EYA1: variants seen among roughly 807,000 people sequenced by gnomAD.
The protein encoded by EYA1 is EYA transcriptional coactivator and phosphatase 1, also known as protein phosphatase EYA1.
A neutral mutation model predicts 82.0 loss-of-function variants in EYA1; 16 were observed. The observed-to-expected ratio is 0.20, with a 90% confidence interval of 0.13 to 0.30. The LOEUF (loss-of-function observed/expected upper bound fraction) is 0.30. Among genes scored for constraint, EYA1 ranks in the 10% least tolerant of loss-of-function variants. The pLI, the probability that EYA1 is intolerant of heterozygous loss-of-function variation, is 1.00. For missense variants in EYA1, 633 were observed against 730.7 expected (o/e 0.87, Z 1.54); for synonymous variants, 261 against 264.4 (o/e 0.99, Z 0.12).
chr8:71,390,042 T>A (rs1829188204), intron 2 of EYA1, among the ~76,000 whole-genome samples: 2 of 152,344 alleles, frequency 1.3e-5, no homozygotes. Flanking sequence ...CATGTATTTT[T>A]TCTCCTTTAA....
At chr8:71,290,063 C>T (rs187460108) in intron 9 of EYA1, among the ~76,000 whole-genome samples, 24 of 152,174 alleles carry the variant, frequency 1.6e-4, no homozygotes, top group Admixed American at 9.2e-4. Flanking sequence ...CACATCTATG[C>T]CTTTATAATT....
chr8:71,322,394 G>T, intron 4 of EYA1, 126 bp from the exon 5 acceptor site: 1 of 777,950 alleles, frequency 1.3e-6, no homozygotes, highest in Non-Finnish European at 2.2e-6. Context: ...TGGTCTTTGT[G>T]ACCTGCGGAG....
Position 71,244,843 on chromosome 8 carries a change from G to T in EYA1, c.1051-151C>A, listed in dbSNP as rs1812885375. On this transcript the variant is annotated intron_variant, in intron 11 of 17. Coordinates refer to ENST00000340726, the MANE Select transcript of EYA1 (RefSeq NM_000503.6). ...AACAGCTGCTTATTTTAGTGTGCAT[G>T]ACTTATTCTGTGTGCAAACTTCAGG... 15 of 589,724 alleles carry T rather than the reference G, an allele frequency of 2.5e-5. No individual in the cohort carries two copies. The South Asian group carries it at 3.3e-4, about 13-fold the overall frequency. The allele number at this position is 589,724 out of a possible 1,614,324, so 36.5% of individuals were successfully genotyped here. A position where few individuals can be genotyped will look rare whatever the true frequency, so the allele number is the denominator to read the frequency against.
intron 2 of EYA1, among the ~76,000 whole-genome samples, chr8:71,416,947 G>A (rs920219835): frequency 9.9e-5 from 15 of 152,154 alleles, no homozygotes; most frequent in Non-Finnish European, 1.8e-4. Context: ...CAATGGACTG[G>A]GAAAGGCAGA....
chr8:71,400,046 AG>A (rs905012431), intron 2 of EYA1, among the ~76,000 whole-genome samples: 9 of 152,214 alleles, frequency 5.9e-5, no homozygotes, highest in African/African-American at 1.9e-4. Flanking sequence ...CAATGGGGAA[AG>A]GATTCCCTAT....
At chr8:71,210,216 TTAAAATA>T (rs1261849774) in intron 17 of EYA1, among the ~76,000 whole-genome samples, 1 of 152,226 alleles carries the variant, frequency 6.6e-6, no homozygotes, top group Non-Finnish European at 1.5e-5. Flanking sequence ...GCTCCTTCAG[TTAAAATA>T]TAAGGGAGCA....
At chr8:71,469,556 ACT>A (rs530224439) in intron 2 of EYA1, among the ~76,000 whole-genome samples, 71 of 152,072 alleles carry the variant, frequency 4.7e-4, no homozygotes, top group Non-Finnish European at 7.8e-4. Flanking sequence ...CCAAAACCAC[ACT>A]CTGTTTTCTG....
At chr8:71,458,581 T>G (rs866829953) in intron 2 of EYA1, among the ~76,000 whole-genome samples, 11 of 152,214 alleles carry the variant, frequency 7.2e-5, no homozygotes, top group Admixed American at 1.3e-4. Context: ...ATAATCTCTT[T>G]TATCAGCACA....
upstream of EYA1, chr8:71,362,343 T>A: frequency 3.1e-6 from 1 of 318,406 alleles, no homozygotes; most frequent in Non-Finnish European, 4.5e-6. Flanking sequence ...AACAGCTGTG[T>A]GAGAATAACT....
chr8:71,327,813 T>C (rs1044470030), intron 4 of EYA1, among the ~76,000 whole-genome samples: 34 of 151,906 alleles, frequency 2.2e-4, no homozygotes, highest in African/African-American at 7.7e-4. Flanking sequence ...GTCTATTTTG[T>C]TAAGACACTA....
intron 2 of EYA1, among the ~76,000 whole-genome samples, chr8:71,394,037 G>A (rs1310486465): frequency 2.6e-5 from 4 of 152,108 alleles, no homozygotes; most frequent in African/African-American, 9.7e-5. Flanking sequence ...TTCTCTGATG[G>A]CCACTGATGA....
chr8:71,477,366 G>T lies in EYA1; in HGVS notation c.33+58378C>A, dbSNP rs572398536. Among the ~76,000 whole-genome samples the T allele has an allele frequency of 7.0e-4, 106 of 152,126 alleles. 1 individual carries two copies. Among genetic ancestry groups the T allele is most frequent in the African/African-American group, 2.5e-3 (102 of 41,530 alleles). Reference sequence around the variant, plus strand: ...CTGTGTAAAGAACTCTCACAACTCAGCTATAAAAATACAAATAATTCAATT... The same window carrying T: ...CTGTGTAAAGAACTCTCACAACTCATCTATAAAAATACAAATAATTCAATT... On this transcript the variant is annotated intron_variant, in intron 2 of 18. Coordinates refer to the EYA1 transcript ENST00000643681.
At chr8:71,495,739 C>G (rs1481225683) in intron 2 of EYA1, among the ~76,000 whole-genome samples, 1 of 152,124 alleles carries the variant, frequency 6.6e-6, no homozygotes, top group Non-Finnish European at 1.5e-5. Context: ...ACAAAATTAA[C>G]TCCTAGGAAG....
chr8:71,326,653 G>A (rs1303378968), intron 4 of EYA1, among the ~76,000 whole-genome samples: 1 of 152,138 alleles, frequency 6.6e-6, no homozygotes, highest in Non-Finnish European at 1.5e-5. Context: ...TCCTCTGATG[G>A]CCTTGCTGAA....
chr8:71,537,166 GC>G (rs1202313599), intron 1 of EYA1, among the ~76,000 whole-genome samples: 1 of 152,086 alleles, frequency 6.6e-6, no homozygotes, highest in South Asian at 2.1e-4. Flanking sequence ...TAAAGTTGAT[GC>G]TTTTTGGACA....
intron 2 of EYA1, among the ~76,000 whole-genome samples, chr8:71,443,567 A>T (rs1315331525): frequency 2.0e-5 from 3 of 152,158 alleles, no homozygotes; most frequent in Non-Finnish European, 2.9e-5. Context: ...AGGCAGAATT[A>T]TTTTTAATAC....
At chr8:71,456,163 T>A (rs1362786508) in intron 2 of EYA1, among the ~76,000 whole-genome samples, 1 of 152,106 alleles carries the variant, frequency 6.6e-6, no homozygotes, top group African/African-American at 2.4e-5. Flanking sequence ...CACAATTGCT[T>A]CAAAGAGAAT....
At chr8:71,364,777 GGA>G (rs1563538160), upstream of EYA1, among the ~76,000 whole-genome samples, 1 of 151,398 alleles carries the variant, frequency 6.6e-6, no homozygotes, top group Admixed American at 6.6e-5. Flanking sequence ...AAACCCTCAA[GGA>G]GACAGTTGAT....
At chr8:71,535,689 T>C (rs745474919) in intron 2 of EYA1, 4 of 1,269,234 alleles carry the variant, frequency 3.2e-6, no homozygotes, top group Admixed American at 2.2e-5. Flanking sequence ...AAAAATGCCA[T>C]GATGATTTTA....
Sources: gnomAD v4.1 joint callset for allele counts (sites outside exome capture counted in the v4.1 genomes callset) on GRCh38, gnomAD v4.1.1 for gene constraint, MANE v1.5 for transcripts, NCBI Gene and HGNC (gene_info 2026-07-23, HGNC 2026-07-21) for gene names.